The following MRPL30 variants were observed in gnomAD, a reference collection of about 807,000 sequenced individuals.
The protein encoded by MRPL30 is large ribosomal subunit protein uL30m.
In MRPL30, 10 loss-of-function variants were observed where a neutral mutation model predicts 17.2. The ratio of observed to expected loss-of-function variants is 0.58; its 90% CI spans 0.36 to 0.99. The LOEUF (loss-of-function observed/expected upper bound fraction) is 0.99, where lower values mean the gene tolerates loss of function less well. Among genes scored for constraint, MRPL30 ranks in the 50% least tolerant of loss-of-function variants. The pLI is 0.01. For missense variants in MRPL30, 170 were observed against 189.8 expected, an observed-to-expected ratio of 0.90 and a Z score of 0.61; for synonymous variants, 61 against 62.1, an observed-to-expected ratio of 0.98 and a Z score of 0.08.
intron 3 of MRPL30, among the ~76,000 whole-genome samples, chr2:99,193,977 G>T (rs1235914665): frequency 6.7e-6 from 1 of 148,826 alleles, no homozygotes; most frequent in Non-Finnish European, 1.5e-5. Flanking sequence ...GGCAGAGGTT[G>T]CAGTGAGCCA....
chr2:99,195,131 G>C lies in MRPL30; in HGVS notation c.295G>C (p.Val99Leu). The C allele has an allele frequency of 6.2e-7, 1 of 1,600,244 alleles. No homozygotes were observed. The highest frequency in any genetic ancestry group is 8.5e-7 in the Non-Finnish European group (1 of 1,176,086). Residue 99 changes from valine to leucine, a missense_variant, in exon 5 of 6, where the codon GTT (valine) becomes CTT (leucine). Physicochemically the swap from Val to Leu is conservative, Grantham distance 32. Transcript: ENST00000338148. ...LGLEKAHTPQ[V>L]HKNIPSVNAK... is the part of the protein sequence containing the mutation. ...TTGTTCACAGGCACATACCCCTCAA[G>C]TTCACAAGAATATCCCTTCAGTGAA...
At position 99,194,778 on chromosome 2, in the gene MRPL30, G is replaced by A. The variant is rs2093952313; in HGVS notation, c.160G>A (p.Glu54Lys). The change falls in exon 4 of 6, where the codon GAA becomes AAA. Residue 54 changes from glutamate (E) to lysine (K), a missense_variant. By Grantham distance (56) the Glu-to-Lys change is moderately conservative (BLOSUM62 1). Coordinates refer to ENST00000338148, the MANE Select transcript of MRPL30 (RefSeq NM_145212.4). ...KVFQASPEDH[E>K]KYGGDPQNPH... ...GTTTCAGGCCTCACCTGAAGATCATGAAAAATACGGTGGGGATCCACAGAA... is the reference window on the plus strand; with the variant it reads ...GTTTCAGGCCTCACCTGAAGATCATAAAAAATACGGTGGGGATCCACAGAA... The A allele has an allele frequency of 6.3e-7, 1 of 1,590,214 alleles. No homozygotes were observed. The highest frequency in any genetic ancestry group is 1.4e-5 in the African/African-American group (1 of 73,242).
At chr2:99,185,676 A>C (rs1345849774) in intron 1 of MRPL30, 5 of 321,206 alleles carry the variant, frequency 1.6e-5, no homozygotes, top group Non-Finnish European at 1.9e-5. Context: ...GTGAAAATGC[A>C]CTTGCCTAGG....
At chr2:99,194,482 C>T (rs776216855) in intron 3 of MRPL30, among the ~76,000 whole-genome samples, 4 of 152,118 alleles carry the variant, frequency 2.6e-5, no homozygotes, top group Admixed American at 2.0e-4. Flanking sequence ...AGCCCAGTGC[C>T]CAGCTCATAG....
chr2:99,182,802 A>G (rs2093927283), intron 1 of MRPL30, among the ~76,000 whole-genome samples: 2 of 152,236 alleles, frequency 1.3e-5, no homozygotes, highest in African/African-American at 4.8e-5. Flanking sequence ...ACCGCTTTAC[A>G]CAGATGTTTG....
chr2:99,197,080 G>A lies in MRPL30; in HGVS notation c.*1375G>A, dbSNP rs550060749. On this transcript the variant is annotated 3_prime_UTR_variant, in exon 6 of 6. Coordinates refer to ENST00000338148, the MANE Select transcript of MRPL30 (RefSeq NM_145212.4). ...TAAGGAACCTCTGTCAACAGTTGAG[G>A]TTGCTGTTGAAAAGAAAGAAGAAGG... is the stretch of plus-strand genomic sequence containing the variant. The A allele has an allele frequency of 3.9e-5, 6 of 152,252 alleles. No homozygotes were observed. The East Asian group carries it at 9.6e-4, about 24-fold the overall frequency. 9.4% of individuals were successfully genotyped at this position (152,252 alleles called of 1,614,324 possible). A position where few individuals can be genotyped will look rare whatever the true frequency, so the allele number is the denominator to read the frequency against.
At chr2:99,195,359 T>C in intron 5 of MRPL30, 170 bp downstream of exon 5, 1 of 738,096 alleles carries the variant, frequency 1.4e-6, no homozygotes, top group Non-Finnish European at 2.1e-6. Flanking sequence ...GGGTACATAG[T>C]GACGTTTCAA....
intron 3 of MRPL30, 92 bp downstream of exon 3, chr2:99,188,349 T>G: frequency 1.1e-6 from 1 of 911,542 alleles, no homozygotes; most frequent in Non-Finnish European, 1.7e-6. Context: ...AGATTTTATG[T>G]TAAATTATAT....
chr2:99,194,700 C>G, intron 3 of MRPL30, 51 bp from the exon 4 acceptor site: 1 of 1,523,558 alleles, frequency 6.6e-7, no homozygotes, highest in Admixed American at 2.4e-5. Flanking sequence ...GGGAGGTACA[C>G]AGAAACTGTG....
intron 1 of MRPL30, among the ~76,000 whole-genome samples, chr2:99,183,175 G>GA (rs397738516): frequency 9.9e-5 from 15 of 151,958 alleles, no homozygotes; most frequent in Non-Finnish European, 1.6e-4. Context: ...AAACAAGGGG[G>GA]GCAGCATGTC....
At chr2:99,185,289 A>C (rs2093932082) in intron 1 of MRPL30, among the ~76,000 whole-genome samples, 1 of 152,162 alleles carries the variant, frequency 6.6e-6, no homozygotes, top group Non-Finnish European at 1.5e-5. Flanking sequence ...TGCAGTTTTA[A>C]GAGTATTCTT....
rs143148399 is a variant in MRPL30 at position 99,182,219 on chromosome 2, G to A, written c.-28+970G>A. The stretch of plus-strand genomic sequence containing the variant: ...GACAGCGTAATTGTTTCAGGGTCCA[G>A]GAGTTACGTGCCTAATTATTAACAG... On this transcript the variant is annotated intron_variant, in intron 1 of 5. Transcript: ENST00000338148. 6.4e-4 allele frequency among the ~76,000 whole-genome samples: 97 copies of A among 152,332 alleles called. 2 individuals are homozygous for A. The East Asian group carries it at 0.018, about 28-fold the overall frequency.
intron 1 of MRPL30, among the ~76,000 whole-genome samples, chr2:99,185,613 G>A (rs1330615592): frequency 1.3e-5 from 2 of 152,124 alleles, no homozygotes; most frequent in African/African-American, 4.8e-5. Context: ...AGTTTAAAAA[G>A]TACAAACAAG....
intron 2 of MRPL30, among the ~76,000 whole-genome samples, chr2:99,186,689 A>T (rs1435509789): frequency 6.6e-6 from 1 of 152,168 alleles, no homozygotes; most frequent in Admixed American, 6.5e-5. Flanking sequence ...ATCCCTAAAG[A>T]TCTAGAATCA....
intron 3 of MRPL30, among the ~76,000 whole-genome samples, chr2:99,188,733 C>G (rs2093938661): frequency 6.6e-6 from 1 of 152,098 alleles, no homozygotes; most frequent in Non-Finnish European, 1.5e-5. Context: ...GAGAGTTTTG[C>G]TTTGTTGCCC....
chr2:99,183,618 T>C (rs1371416703), intron 1 of MRPL30, among the ~76,000 whole-genome samples: 1 of 152,018 alleles, frequency 6.6e-6, no homozygotes, highest in African/African-American at 2.4e-5. Context: ...GGACAAGCAT[T>C]GGAGGTTTTA....
Position 99,195,708 on chromosome 2 carries a change from C to T in MRPL30, c.*3C>T. 1 of 1,609,788 alleles carries T rather than the reference C, an allele frequency of 6.2e-7. No individual in the cohort carries two copies. Among genetic ancestry groups the T allele is most frequent in the Non-Finnish European group, 8.5e-7 (1 of 1,178,920 alleles). ...AGCAGAAAGCACATGAGTCCTAATG[C>T]CCCAGCAGCTTCCGATTGGAAAATG... On this transcript the variant is annotated 3_prime_UTR_variant, in exon 6 of 6. Transcript: ENST00000338148.
At chr2:99,191,142 G>T (rs1574845938) in intron 3 of MRPL30, among the ~76,000 whole-genome samples, 3 of 152,010 alleles carry the variant, frequency 2.0e-5, no homozygotes, top group East Asian at 3.9e-4. Context: ...AAGTAGCTGG[G>T]ATTACAGGCA....
chr2:99,185,683 T>C, intron 1 of MRPL30: 1 of 335,842 alleles, frequency 3.0e-6, no homozygotes, highest in Non-Finnish European at 6.2e-6. Flanking sequence ...TGCACTTGCC[T>C]AGGAATTAGG....
Sources: allele counts gnomAD v4.1 joint callset (sites outside exome capture counted in the v4.1 genomes callset), GRCh38; gene constraint gnomAD v4.1.1; transcripts MANE v1.5; gene names NCBI Gene and HGNC (gene_info 2026-07-23, HGNC 2026-07-21).